The following IL1RAPL1 variants were observed in gnomAD, a reference collection of about 807,000 sequenced individuals.
IL1RAPL1 encodes interleukin-1 receptor accessory protein-like 1.
IL1RAPL1 carries 3 observed loss-of-function variants against 48.4 expected under a neutral mutation model. The observed-to-expected ratio is 0.06, with a 90% CI of 0.03 to 0.16. The LOEUF (loss-of-function observed/expected upper bound fraction) is 0.16, where lower values mean the gene tolerates loss of function less well. Among genes scored for constraint, IL1RAPL1 ranks in the 10% least tolerant of loss-of-function variants. The pLI, the probability that IL1RAPL1 is intolerant of heterozygous loss-of-function variation, is 1.00. For missense variants in IL1RAPL1, 349 were observed against 530.6 expected, an observed-to-expected ratio of 0.66 and a Z score of 3.36; for synonymous variants, 185 against 187.7, an observed-to-expected ratio of 0.99 and a Z score of 0.12.
In IL1RAPL1 at chrX:28,985,803, G is replaced by C. The variant is rs1045137842; in HGVS notation, c.82+196378G>C. ...GCCTCCCGAGTAGCTGGGACTACAG[G>C]CGCCCGCCACCTCGCCCGGCTAATT... On this transcript the variant is annotated intron_variant, in intron 2 of 10. Transcript: ENST00000378993. 1.2e-4 allele frequency among the ~76,000 whole-genome samples: 13 copies of C among 109,645 alleles called. No individual in the cohort carries two copies. The Admixed American group carries it at 1.3e-3, about 11-fold the overall frequency.
At chrX:29,899,496 G>A (rs1270295068) in intron 6 of IL1RAPL1, among the ~76,000 whole-genome samples, 1 of 110,239 alleles carries the variant, frequency 9.1e-6, no homozygotes, top group Non-Finnish European at 1.9e-5. Flanking sequence ...AAAGAACTCT[G>A]AGAGACGTAG....
At chrX:29,252,289 A>G (rs1318429116) in intron 2 of IL1RAPL1, among the ~76,000 whole-genome samples, 3 of 113,640 alleles carry the variant, frequency 2.6e-5, no homozygotes, top group Admixed American at 9.1e-5. Flanking sequence ...AAAAGAAAAA[A>G]AAAAAGAAAA....
At chrX:29,349,594 A>G (rs1454136580) in intron 3 of IL1RAPL1, among the ~76,000 whole-genome samples, 3 of 111,523 alleles carry the variant, frequency 2.7e-5, no homozygotes, top group South Asian at 3.8e-4. Flanking sequence ...CAACGAGTCT[A>G]TGACATCCTG....
At chrX:29,276,724 C>G (rs1345380277) in intron 2 of IL1RAPL1, among the ~76,000 whole-genome samples, 3 of 110,751 alleles carry the variant, frequency 2.7e-5, no homozygotes, top group Non-Finnish European at 5.7e-5. Context: ...CTATGTTGCC[C>G]AGACGAGACT....
In IL1RAPL1 at chrX:29,475,782, A is replaced by G. The variant is rs925226398; in HGVS notation, c.703+76474A>G. Among the ~76,000 whole-genome samples the G allele has an allele frequency of 3.6e-5, 4 of 110,681 alleles. No individual in the cohort carries two copies. The East Asian group carries it at 1.1e-3, about 31-fold the overall frequency. ...CGCTTATTTCTGTTTCTGATGTGTT[A>G]TGTCCCTACCACTAGTCACGTTTCC... On this transcript the variant is annotated intron_variant, in intron 5 of 10. Coordinates refer to ENST00000378993, the MANE Select transcript of IL1RAPL1 (RefSeq NM_014271.4).
chrX:29,456,017 T>A (rs2147730286), intron 5 of IL1RAPL1, among the ~76,000 whole-genome samples: 1 of 110,303 alleles, frequency 9.1e-6, no homozygotes, highest in East Asian at 2.8e-4. Flanking sequence ...ACTTTGAGGA[T>A]CATCGAAAAC....
At chrX:28,615,514 C>T (rs1934208906) in intron 1 of IL1RAPL1, among the ~76,000 whole-genome samples, 1 of 109,987 alleles carries the variant, frequency 9.1e-6, no homozygotes, top group Non-Finnish European at 1.9e-5. Flanking sequence ...AAACATAGCC[C>T]TATAAATAAT....
rs140863616 is a variant in IL1RAPL1, at chrX:28,899,424, C to T, written c.82+109999C>T. 9.8e-5 allele frequency among the ~76,000 whole-genome samples: 11 copies of T among 111,988 alleles called. No individual in the cohort carries two copies. In the East Asian group the frequency reaches 1.7e-3, roughly 17 times the overall value. On this transcript the variant is annotated intron_variant, in intron 2 of 10. Transcript: ENST00000378993. ...CTGCCTTCCTTGGCCTCCCAAAGTG[C>T]TGGGATTGCAAGCATGAACCGTGCC... is the stretch of plus-strand genomic sequence containing the variant.
intron 2 of IL1RAPL1, among the ~76,000 whole-genome samples, chrX:28,826,161 T>TA (rs1936993538): frequency 8.9e-6 from 1 of 112,009 alleles, no homozygotes; most frequent in Admixed American, 9.5e-5. Flanking sequence ...GCAAATAATG[T>TA]ATTTGTTACG....
At chrX:28,881,454 G>T (rs1205954364) in intron 2 of IL1RAPL1, among the ~76,000 whole-genome samples, 5 of 111,121 alleles carry the variant, frequency 4.5e-5, no homozygotes, top group Non-Finnish European at 7.6e-5. Context: ...TGTTTGGTAG[G>T]GTTTTCTATT....
At chrX:29,365,764 C>T (rs1456177534) in intron 3 of IL1RAPL1, among the ~76,000 whole-genome samples, 4 of 109,569 alleles carry the variant, frequency 3.7e-5, no homozygotes, top group East Asian at 2.9e-4. Flanking sequence ...AATGGTCCGG[C>T]GCAGTTTCTC....
At chrX:28,737,113 TTTTCCTTC>T (rs1175817555) in intron 1 of IL1RAPL1, among the ~76,000 whole-genome samples, 2 of 84,410 alleles carry the variant, frequency 2.4e-5, no homozygotes, top group African/African-American at 9.0e-5. Flanking sequence ...TTTTCTCTTC[TTTTCCTTC>T]CTTCCTTCCT....
chrX:28,593,596 C>T (rs947190876), intron 1 of IL1RAPL1, among the ~76,000 whole-genome samples: 2 of 111,276 alleles, frequency 1.8e-5, no homozygotes, highest in African/African-American at 3.3e-5. Flanking sequence ...TGTAACACTA[C>T]GTCAGGATAT....
At chrX:29,115,195 G>A (rs1252304682) in intron 2 of IL1RAPL1, among the ~76,000 whole-genome samples, 1 of 111,739 alleles carries the variant, frequency 8.9e-6, no homozygotes, top group Non-Finnish European at 1.9e-5. Context: ...TTAAAATTCT[G>A]AGAATGTTTT....
intron 5 of IL1RAPL1, among the ~76,000 whole-genome samples, chrX:29,475,695 C>T (rs1934965173): frequency 9.0e-6 from 1 of 111,652 alleles, no homozygotes; most frequent in African/African-American, 3.3e-5. Context: ...TATATGCGTT[C>T]CTACAACATA....
chrX:29,198,591 G>A (rs989205902), intron 2 of IL1RAPL1, among the ~76,000 whole-genome samples: 1 of 111,561 alleles, frequency 9.0e-6, no homozygotes, highest in African/African-American at 3.3e-5. Context: ...ACTGCGCCCA[G>A]CCAGATTTTA....
chrX:29,939,027 A>C (rs1161514103), intron 8 of IL1RAPL1, among the ~76,000 whole-genome samples: 2 of 112,448 alleles, frequency 1.8e-5, no homozygotes, highest in Non-Finnish European at 3.8e-5. Flanking sequence ...GTGAATAAAT[A>C]AGACTATTCT....
At chrX:29,663,911 A>G in intron 5 of IL1RAPL1, among the ~76,000 whole-genome samples, 1 of 112,407 alleles carries the variant, frequency 8.9e-6, no homozygotes, top group East Asian at 2.8e-4. Flanking sequence ...CAGGAACTTA[A>G]TCTGTTTTCC....
chrX:29,280,980 C>T (rs1056524206), intron 2 of IL1RAPL1, among the ~76,000 whole-genome samples: 2 of 111,989 alleles, frequency 1.8e-5, no homozygotes, highest in Non-Finnish European at 3.8e-5. Flanking sequence ...TTTATAGACT[C>T]CTGGCACATC....
Sources: allele counts gnomAD v4.1 joint callset (sites outside exome capture counted in the v4.1 genomes callset), GRCh38; gene constraint gnomAD v4.1.1; transcripts MANE v1.5; gene names NCBI Gene and HGNC (gene_info 2026-07-23, HGNC 2026-07-21).